Variants in DSCAM observed in about 807,000 individuals in gnomAD.
The protein encoded by DSCAM is cell adhesion molecule DSCAM.
DSCAM carries 47 observed loss-of-function variants against 217.7 expected under a neutral mutation model. The observed-to-expected ratio is 0.22, with a 90% confidence interval of 0.17 to 0.28. The LOEUF (loss-of-function observed/expected upper bound fraction) is 0.28, where lower values mean the gene tolerates loss of function less well. DSCAM is among the 10% of genes least tolerant of loss of function. The pLI, the probability that DSCAM is intolerant of heterozygous loss-of-function variation, is 1.00. For missense variants in DSCAM, 2,080 were observed against 2,618.3 expected, an observed-to-expected ratio of 0.79 and a Z score of 4.49; for synonymous variants, 1,056 against 1,015.3, an observed-to-expected ratio of 1.04 and a Z score of -0.76.
At chr21:40,097,698 G>A (rs200647714) in intron 20 of DSCAM, among the ~76,000 whole-genome samples, 1 of 151,928 alleles carries the variant, frequency 6.6e-6, no homozygotes, top group African/African-American at 2.4e-5. Context: ...TCCCAGCACT[G>A]TGGGAGGCCG....
chr21:40,366,261 T>C (rs770202731), intron 4 of DSCAM, among the ~76,000 whole-genome samples: 1 of 152,156 alleles, frequency 6.6e-6, no homozygotes, highest in Non-Finnish European at 1.5e-5. Context: ...CTTGGCTTTC[T>C]TTTTAAGAGA....
chr21:40,678,394 C>T (rs1265736818), intron 3 of DSCAM, among the ~76,000 whole-genome samples: 6 of 152,172 alleles, frequency 3.9e-5, no homozygotes, highest in Admixed American at 3.3e-4. Flanking sequence ...GTCCCTGCAC[C>T]GCCATTCACT....
At chr21:40,682,585 A>AAGAGAGAGAGAAAGAGAGAAAGAGAG (rs376148801) in intron 3 of DSCAM, among the ~76,000 whole-genome samples, 4 of 98,404 alleles carry the variant, frequency 4.1e-5, no homozygotes, top group East Asian at 3.1e-4. Context: ...AGAAGAGAGA[A>AAGAGAGAGAGAAAGAGAGAAAGAGAG]AGAGAGAGAG....
At chr21:40,298,471 T>C (rs150243886) in intron 9 of DSCAM, among the ~76,000 whole-genome samples, 1 of 152,200 alleles carries the variant, frequency 6.6e-6, no homozygotes, top group East Asian at 1.9e-4. Flanking sequence ...GCTTAAGTGA[T>C]AAGCAATGTT....
At chr21:40,112,159 C>T (rs374291199) in intron 20 of DSCAM, among the ~76,000 whole-genome samples, 1 of 145,764 alleles carries the variant, frequency 6.9e-6, no homozygotes, top group African/African-American at 2.5e-5. Flanking sequence ...TGACCACATA[C>T]TTGGAAGTAA....
At chr21:40,590,518 G>A (rs2076976557) in intron 3 of DSCAM, among the ~76,000 whole-genome samples, 1 of 152,186 alleles carries the variant, frequency 6.6e-6, no homozygotes. Context: ...CTGACTTAAT[G>A]GTGTCACTGT....
chr21:40,630,889 G>A (rs998583375), intron 3 of DSCAM: 1 of 152,206 alleles, frequency 6.6e-6, no homozygotes, highest in East Asian at 1.9e-4. Flanking sequence ...GAAAGAATGG[G>A]CTCAGAGGCT....
At position 40,280,470 on chromosome 21, in the gene DSCAM, C is replaced by T. The variant is rs182137980; in HGVS notation, c.2183-4200G>A. 1.8e-3 allele frequency among the ~76,000 whole-genome samples: 272 copies of T among 151,946 alleles called. 1 individual carries two copies. The highest frequency in any genetic ancestry group is 3.1e-3 in the Non-Finnish European group (214 of 67,968). On this transcript the variant is annotated intron_variant, in intron 10 of 32. Coordinates refer to ENST00000400454, the MANE Select transcript of DSCAM (RefSeq NM_001389.5). ...TCCCAAAGTGTTGGGAAAATAGGCA[C>T]GAGCCATTGTTCTTGGCCTCAAATG... is the stretch of plus-strand genomic sequence containing the variant.
chr21:40,248,141 T>G (rs1221012853), intron 11 of DSCAM, among the ~76,000 whole-genome samples: 1 of 152,100 alleles, frequency 6.6e-6, no homozygotes, highest in African/African-American at 2.4e-5. Flanking sequence ...CATGAAACCA[T>G]TTTTTCCTCC....
chr21:40,332,141 C>T (rs1284610575), intron 8 of DSCAM, among the ~76,000 whole-genome samples: 1 of 152,176 alleles, frequency 6.6e-6, no homozygotes, highest in African/African-American at 2.4e-5. Flanking sequence ...TTAACAAATG[C>T]TATCTCTCTT....
At chr21:40,442,832 T>G (rs2075643623) in intron 3 of DSCAM, among the ~76,000 whole-genome samples, 1 of 152,140 alleles carries the variant, frequency 6.6e-6, no homozygotes, top group African/African-American at 2.4e-5. Context: ...TATTAATGTT[T>G]AGACTCTCCA....
chr21:40,430,071 A>G (rs575018054), intron 3 of DSCAM, among the ~76,000 whole-genome samples: 2 of 152,340 alleles, frequency 1.3e-5, no homozygotes, highest in East Asian at 1.9e-4. Context: ...CCTCACACAC[A>G]TAGAGGGGGC....
intron 1 of DSCAM, 144 bp from the exon 2 acceptor site, chr21:40,708,915 A>C: frequency 1.8e-6 from 1 of 569,966 alleles, no homozygotes; most frequent in Non-Finnish European, 2.8e-6. Flanking sequence ...AAATTTTCTG[A>C]AAATGCTGTG....
intron 3 of DSCAM, among the ~76,000 whole-genome samples, chr21:40,567,250 G>A (rs150385782): frequency 1.7e-3 from 265 of 152,288 alleles, no homozygotes; most frequent in African/African-American, 6.0e-3. Context: ...AGTTGGCCCC[G>A]GCTTTGGGGC....
At chr21:40,640,594 GTA>G (rs910389919) in intron 3 of DSCAM, among the ~76,000 whole-genome samples, 117 of 152,324 alleles carry the variant, frequency 7.7e-4, no homozygotes, top group African/African-American at 2.7e-3. Context: ...ACTGATGTGT[GTA>G]TAAGTGAGAG....
At chr21:40,368,112 T>G (rs534825614) in intron 4 of DSCAM, among the ~76,000 whole-genome samples, 3 of 152,256 alleles carry the variant, frequency 2.0e-5, no homozygotes, top group African/African-American at 7.2e-5. Flanking sequence ...GAGGGAGAAA[T>G]GCTTATTTAC....
At chr21:40,834,279 T>C (rs974027120) in intron 1 of DSCAM, among the ~76,000 whole-genome samples, 25 of 151,462 alleles carry the variant, frequency 1.7e-4, no homozygotes, top group Admixed American at 2.6e-4. Flanking sequence ...TGGTGGCGGG[T>C]GCCTGTAGTC....
At chr21:40,598,502 T>TTG (rs2077038678) in intron 3 of DSCAM, among the ~76,000 whole-genome samples, 2 of 132,196 alleles carry the variant, frequency 1.5e-5, no homozygotes, top group African/African-American at 2.9e-5. Flanking sequence ...AAACTGTTTT[T>TTG]TTTTTTTTTT....
chr21:40,169,304 T>C (rs925871133), intron 15 of DSCAM, among the ~76,000 whole-genome samples: 8 of 152,064 alleles, frequency 5.3e-5, no homozygotes, highest in African/African-American at 1.9e-4. Flanking sequence ...AATATGACAA[T>C]AAGCCAAGCA....
Sources: allele counts gnomAD v4.1 joint callset (sites outside exome capture counted in the v4.1 genomes callset), GRCh38; gene constraint gnomAD v4.1.1; transcripts MANE v1.5; gene names NCBI Gene and HGNC (gene_info 2026-07-23, HGNC 2026-07-21).